OXER1: variants seen among roughly 807,000 people sequenced by gnomAD.
OXER1 encodes oxoeicosanoid receptor 1.
For synonymous variants in OXER1, 258 were observed against 245.8 expected, an observed-to-expected ratio of 1.05 and a Z score of -0.47; for missense variants, 587 against 551.7, an observed-to-expected ratio of 1.06 and a Z score of -0.64.
exon 1 of OXER1, chr2:42,762,902 T>G (rs1304198720): frequency 6.2e-7 from 1 of 1,607,206 alleles, no homozygotes; most frequent in South Asian, 1.1e-5. Flanking sequence ...GCCCTGCAGC[T>G]GGCCCTCAGC....
At chr2:42,762,698 A>C in exon 1 of OXER1, 1 of 582,362 alleles carries the variant, frequency 1.7e-6, no homozygotes, top group South Asian at 2.3e-5. Context: ...TCTCCCCTGC[A>C]TTCTGGGAAT....
At position 42,763,842 on chromosome 2, in the gene OXER1, G is replaced by T. The variant is rs1670557044; in HGVS notation, c.338C>A (p.Ala113Asp). Residue 113 changes from alanine (A) to aspartate (D), a missense_variant, in exon 1 of 1, where the codon GCC becomes GAC. Coordinates refer to ENST00000378661, the Ensembl canonical transcript of OXER1. The surrounding 1 kb of genome is among the most constrained non-coding windows in gnomAD (Gnocchi z 4.4). ...CGTGTGGATGCAGAAGATGAAGAGG[G>T]CCAAACTGTTCCCCACCAGGCCCAG... 2 of 1,613,888 alleles carry T rather than the reference G, an allele frequency of 1.2e-6. No homozygotes were observed. The highest frequency in any genetic ancestry group is 1.7e-6 in the Non-Finnish European group (2 of 1,180,014).
At position 42,763,769 on chromosome 2, in the gene OXER1, A is replaced by C. The variant is rs750083375; in HGVS notation, c.411T>G (p.Ala137=). The C allele has an allele frequency of 1.9e-6, 3 of 1,614,054 alleles. No individual in the cohort carries two copies. Among genetic ancestry groups the C allele is most frequent in the Non-Finnish European group, 2.5e-6 (3 of 1,180,014 alleles). ...GCAGGTTGCTGATCAGGAGGAAGTC[A>C]GCGGCCACCAGGCTGACCAGGAACA... The change falls in exon 1 of 1, where the codon GCT becomes GCG. Residue 137 remains alanine, a synonymous_variant. Coordinates refer to ENST00000378661, the Ensembl canonical transcript of OXER1. This position sits in a 1 kb window ranked among gnomAD's most constrained non-coding sequence, Gnocchi z 4.4.
chr2:42,762,805 A>G, exon 1 of OXER1: 5 of 1,363,486 alleles, frequency 3.7e-6, no homozygotes, highest in Non-Finnish European at 4.0e-6. Context: ...GTCTGCCGCC[A>G]TCCCTTGTCC....
chr2:42,762,750 C>T (rs1670498034), exon 1 of OXER1: 3 of 813,636 alleles, frequency 3.7e-6, no homozygotes, highest in Admixed American at 5.6e-5. Flanking sequence ...GGTTTCTCTC[C>T]CTGCCACCCA....
At chr2:42,762,653 G>A (rs1464508531) in exon 1 of OXER1, 5 of 501,008 alleles carry the variant, frequency 1.0e-5, no homozygotes, top group South Asian at 3.0e-5. Flanking sequence ...GTGTGCCAAC[G>A]GCACCTTGCC....
exon 1 of OXER1, chr2:42,764,043 C>G (rs1370539184): frequency 1.8e-5 from 29 of 1,613,740 alleles, no homozygotes; most frequent in Non-Finnish European, 2.3e-5. Context: ...AGATGGAGAG[C>G]TCAGGTTATG....
Position 42,763,329 on chromosome 2 carries a change from A to C in OXER1, c.851T>G (p.Leu284Arg). 12 of 1,612,984 alleles carry C rather than the reference A, an allele frequency of 7.4e-6. No homozygotes were observed. The highest frequency in any genetic ancestry group is 1.0e-5 in the Non-Finnish European group (12 of 1,179,854). ...CCTCTGCGGGCCTGCCTGCCCGCCC[A>C]GACCACGGTTCCGGATGGTGAGCCC... is the stretch of plus-strand genomic sequence containing the variant. The change falls in exon 1 of 1, where the codon CTG (leucine) becomes CGG (arginine). Residue 284 changes from leucine (L) to arginine (R), a missense_variant. Leu to Arg is a moderately radical substitution (Grantham distance 102). Transcript: ENST00000378661. The surrounding 1 kb of genome is among the most constrained non-coding windows in gnomAD (Gnocchi z 4.4).
At chr2:42,763,581 ACGTGGTGGGGCTGC>A in the OXER1 span, 1 of 1,596,196 alleles carries the variant, frequency 6.3e-7, no homozygotes. This position sits in a 1 kb window ranked among gnomAD's most constrained non-coding sequence, Gnocchi z 4.4. Flanking sequence ...ACGGCTCAGC[ACGTGGTGGGGCTGC>A]ACCACCTTCA....
chr2:42,762,855 G>GC, exon 1 of OXER1: 1 of 1,540,828 alleles, frequency 6.5e-7, no homozygotes, highest in Non-Finnish European at 8.7e-7. Context: ...GTCCCTCCAG[G>GC]CCAGAGCGCG....
At position 42,763,541 on chromosome 2, in the gene OXER1, G is replaced by T; in HGVS notation, c.639C>A (p.Ala213=). The change falls in exon 1 of 1, where the codon GCC becomes GCA. Residue 213 remains alanine (A), a synonymous_variant. Transcript: ENST00000378661. This position sits in a 1 kb window ranked among gnomAD's most constrained non-coding sequence, Gnocchi z 4.4. The stretch of plus-strand genomic sequence containing the variant: ...GCAGGATGCCCACCCAGAGTCCCCC[G>T]GCCACCCGGGCAGCTGCCCCCACGG... 6.4e-7 allele frequency: 1 copy of T among 1,561,104 alleles called. No homozygotes were observed. Among genetic ancestry groups the T allele is most frequent in the Non-Finnish European group, 8.7e-7 (1 of 1,153,098 alleles).
rs1670550245 is a variant in OXER1, at chr2:42,763,703, G to A, written c.477C>T (p.Arg159=). 8 of 1,614,128 alleles carry A rather than the reference G, an allele frequency of 5.0e-6. No homozygotes were observed. Among genetic ancestry groups the A allele is most frequent in the African/African-American group, 1.3e-5 (1 of 75,054 alleles). ...TGACTTTGCAGGCAGCAGCCCCAAA[G>A]CGCCAGGTCTCATGGAGGAGGTAGT... is the stretch of plus-strand genomic sequence containing the variant. Residue 159 remains arginine (R), a synonymous_variant, in exon 1 of 1, where the codon CGC becomes CGT. Transcript: ENST00000378661. This position sits in a 1 kb window ranked among gnomAD's most constrained non-coding sequence, Gnocchi z 4.4.
Position 42,763,624 on chromosome 2 carries a change from T to C in OXER1, c.556A>G (p.Ile186Val). Residue 186 changes from isoleucine (I) to valine (V), a missense_variant, in exon 1 of 1, where the codon ATC becomes GTC. Coordinates refer to ENST00000378661, the Ensembl canonical transcript of OXER1. This position sits in a 1 kb window ranked among gnomAD's most constrained non-coding sequence, Gnocchi z 4.4. The stretch of plus-strand genomic sequence containing the variant: ...ACCTTCAGGTAGCGGTTGAGTGCGA[T>C]GGCTGTGAGGAAGACAACGCTGGCC... 2 of 1,613,242 alleles carry C rather than the reference T, an allele frequency of 1.2e-6. No homozygotes were observed. Among genetic ancestry groups the C allele is most frequent in the Non-Finnish European group, 1.7e-6 (2 of 1,179,678 alleles).
In OXER1 at chr2:42,763,650, G is replaced by A. The variant is rs201888869; in HGVS notation, c.530C>T (p.Thr177Met). The change falls in exon 1 of 1, where the codon ACG (threonine) becomes ATG (methionine). Residue 177 changes from threonine (T) to methionine (M), a missense_variant. Coordinates refer to ENST00000378661, the Ensembl canonical transcript of OXER1. This position sits in a 1 kb window ranked among gnomAD's most constrained non-coding sequence, Gnocchi z 4.4. ...GGCTGTGAGGAAGACAACGCTGGCC[G>A]TGCGGTTGGTGGACAGCATGAAGAG... 68 of 1,613,818 alleles carry A rather than the reference G, an allele frequency of 4.2e-5. No homozygotes were observed. The African/African-American group carries it at 4.5e-4, about 11-fold the overall frequency.
exon 1 of OXER1, chr2:42,762,674 ACCC>A: frequency 2.6e-5 from 14 of 536,534 alleles, no homozygotes; most frequent in South Asian, 1.6e-4. Context: ...TGTCTCCTCC[ACCC>A]GGCATCCTGC....
chr2:42,763,695 G>T lies in OXER1; in HGVS notation c.485C>A (p.Ala162Asp). Residue 162 changes from alanine to aspartate, a missense_variant, in exon 1 of 1, where the codon GCT becomes GAT. Transcript: ENST00000378661. The surrounding 1 kb of genome is among the most constrained non-coding windows in gnomAD (Gnocchi z 4.4). Reference sequence around the variant, plus strand: ...GAAGAGGTTGACTTTGCAGGCAGCAGCCCCAAAGCGCCAGGTCTCATGGAG... The same window carrying T: ...GAAGAGGTTGACTTTGCAGGCAGCATCCCCAAAGCGCCAGGTCTCATGGAG... 6.2e-7 allele frequency: 1 copy of T among 1,614,100 alleles called. No homozygotes were observed. Among genetic ancestry groups the T allele is most frequent in the Non-Finnish European group, 8.5e-7 (1 of 1,180,004 alleles).
At chr2:42,762,853 A>AT in exon 1 of OXER1, 1 of 1,535,974 alleles carries the variant, frequency 6.5e-7, no homozygotes, top group Non-Finnish European at 8.8e-7. Context: ...TTGTCCCTCC[A>AT]GGCCAGAGCG....
exon 1 of OXER1, chr2:42,762,770 T>C: frequency 1.0e-6 from 1 of 995,844 alleles, no homozygotes; most frequent in Non-Finnish European, 1.5e-6. Context: ...ACCTGAGTCC[T>C]GCCAGTGCTT....
In OXER1 at chr2:42,763,162, A is replaced by G; in HGVS notation, c.1018T>C (p.Ser340Pro). 6.2e-7 allele frequency: 1 copy of G among 1,613,884 alleles called. No individual in the cohort carries two copies. ...CTGTTGAGGTAGGTGAAGGCCAGGG[A>G]GCCATGGAAGAGCTGTGTGCAGAGG... Residue 340 changes from serine to proline, a missense_variant, in exon 1 of 1, where the codon TCC (serine) becomes CCC (proline). Coordinates refer to ENST00000378661, the Ensembl canonical transcript of OXER1. This position sits in a 1 kb window ranked among gnomAD's most constrained non-coding sequence, Gnocchi z 4.4.
Sources: gnomAD v4.1 joint callset for allele counts on GRCh38, gnomAD v4.1.1 for gene constraint, Gnocchi (gnomAD v3.1) non-coding constraint, MANE v1.5 for transcripts, NCBI Gene and HGNC (gene_info 2026-07-23, HGNC 2026-07-21) for gene names.